Variants in NALF1 observed in about 807,000 individuals in gnomAD.
NALF1 encodes the protein NALCN channel auxiliary factor 1.
A neutral mutation model predicts 48.4 loss-of-function variants in NALF1; 3 were observed. The ratio of observed to expected loss-of-function variants is 0.06; its 90% confidence interval spans 0.03 to 0.16. NALF1 has a LOEUF of 0.16. Ranked by LOEUF, NALF1 falls within the 10% of genes least tolerant of loss-of-function variation. The probability of loss-of-function intolerance (pLI) is 1.00; values close to 1 mark genes in which losing one functional copy is unlikely to be tolerated. For synonymous variants in NALF1, 262 were observed against 245.7 expected (o/e 1.07, Z -0.62); for missense variants, 526 against 571.5 (o/e 0.92, Z 0.81).
intron 1 of NALF1, among the ~76,000 whole-genome samples, chr13:107,695,571 G>A (rs1397596203): frequency 6.6e-6 from 1 of 151,990 alleles, no homozygotes; most frequent in Non-Finnish European, 1.5e-5. Flanking sequence ...CTTGTTCAAA[G>A]CCCAAAATGA....
chr13:107,670,620 G>A (rs1366234510), intron 1 of NALF1, among the ~76,000 whole-genome samples: 1 of 151,984 alleles, frequency 6.6e-6, no homozygotes, highest in Non-Finnish European at 1.5e-5. Flanking sequence ...TATCCCATGG[G>A]CCACGTATAA....
chr13:107,394,627 A>C (rs973900668), intron 1 of NALF1, among the ~76,000 whole-genome samples: 1 of 152,206 alleles, frequency 6.6e-6, no homozygotes, highest in Non-Finnish European at 1.5e-5. Context: ...ATAAAAAGGT[A>C]CCAAGATATA....
chr13:107,567,913 A>T (rs1174220574), intron 1 of NALF1, among the ~76,000 whole-genome samples: 2 of 152,142 alleles, frequency 1.3e-5, no homozygotes, highest in Non-Finnish European at 2.9e-5. Flanking sequence ...TTACTCTGTA[A>T]TTTCCTTGAT....
At chr13:107,347,681 A>T (rs985559125) in intron 1 of NALF1, among the ~76,000 whole-genome samples, 1 of 152,350 alleles carries the variant, frequency 6.6e-6, no homozygotes, top group East Asian at 1.9e-4. Context: ...CGCAAAAGAA[A>T]AAGTCTGTGT....
At chr13:107,444,052 A>G (rs1390751513) in intron 1 of NALF1, among the ~76,000 whole-genome samples, 1 of 152,106 alleles carries the variant, frequency 6.6e-6, no homozygotes, top group African/African-American at 2.4e-5. Context: ...TGATATGTCT[A>G]AGACAAAAAT....
intron 1 of NALF1, among the ~76,000 whole-genome samples, chr13:107,512,451 T>C (rs1052010385): frequency 6.6e-6 from 1 of 152,104 alleles, no homozygotes; most frequent in African/African-American, 2.4e-5. Flanking sequence ...CGTTGTAAAG[T>C]CACACTGAGG....
chr13:107,677,070 A>T (rs1025124066), intron 1 of NALF1, among the ~76,000 whole-genome samples: 33 of 152,194 alleles, frequency 2.2e-4, no homozygotes, highest in African/African-American at 7.5e-4. Context: ...TTTATGAGAC[A>T]GAGTCTCGCT....
intron 1 of NALF1, among the ~76,000 whole-genome samples, chr13:107,356,106 G>A (rs1882959147): frequency 6.6e-6 from 1 of 152,174 alleles, no homozygotes; most frequent in Non-Finnish European, 1.5e-5. Context: ...AGGAGCCGAT[G>A]TCATGCTGCT....
intron 1 of NALF1, among the ~76,000 whole-genome samples, chr13:107,575,699 G>C (rs1184759265): frequency 6.6e-6 from 1 of 152,084 alleles, no homozygotes; most frequent in Non-Finnish European, 1.5e-5. Context: ...ACTCCTGGCT[G>C]TCACTTTCAG....
chr13:107,638,774 G>A (rs1880061709), intron 1 of NALF1, among the ~76,000 whole-genome samples: 1 of 152,116 alleles, frequency 6.6e-6, no homozygotes, highest in South Asian at 2.1e-4. Flanking sequence ...TCTGGGCAGA[G>A]GAACTGGGCT....
intron 1 of NALF1, among the ~76,000 whole-genome samples, chr13:107,379,977 C>T (rs975831060): frequency 1.1e-4 from 16 of 152,176 alleles, no homozygotes; most frequent in Non-Finnish European, 1.5e-4. Flanking sequence ...TCCAGAGGCA[C>T]AGGCTTAACT....
intron 1 of NALF1, among the ~76,000 whole-genome samples, chr13:107,349,907 G>A (rs574335758): frequency 6.6e-6 from 1 of 152,214 alleles, no homozygotes; most frequent in South Asian, 2.1e-4. Flanking sequence ...CCGACTTCAT[G>A]GAGGACAATT....
intron 1 of NALF1, among the ~76,000 whole-genome samples, chr13:107,710,763 G>GTA (rs1488064455): frequency 1.9e-5 from 2 of 107,902 alleles, no homozygotes; most frequent in East Asian, 6.3e-4. Flanking sequence ...ATACATATAT[G>GTA]TATACACACA....
chr13:107,363,249 T>C (rs554474030), intron 1 of NALF1, among the ~76,000 whole-genome samples: 2 of 152,308 alleles, frequency 1.3e-5, no homozygotes, highest in East Asian at 1.9e-4. Context: ...GAACACTGTG[T>C]TGATTCTTGA....
rs193028951 is a variant in NALF1, at chr13:107,785,107, T to C, written c.915+80575A>G. Among the ~76,000 whole-genome samples the C allele has an allele frequency of 3.7e-3, 568 of 151,944 alleles. 2 individuals are homozygous for C. The highest frequency in any genetic ancestry group is 6.8e-3 in the Middle Eastern group (2 of 292). ...ATATATACACACACATATATATGTA[T>C]GTATATGTATATATATATTCATATA... On this transcript the variant is annotated intron_variant, in intron 1 of 2. Transcript: ENST00000375915.
intron 1 of NALF1, among the ~76,000 whole-genome samples, chr13:107,217,299 G>T (rs555656117): frequency 2.0e-5 from 3 of 152,002 alleles, no homozygotes; most frequent in East Asian, 1.9e-4. Context: ...AAATGCCACT[G>T]GGACTTGTTT....
intron 1 of NALF1, among the ~76,000 whole-genome samples, chr13:107,289,127 C>A (rs1881564043): frequency 6.6e-6 from 1 of 152,126 alleles, no homozygotes; most frequent in Non-Finnish European, 1.5e-5. Flanking sequence ...CTTTTTATTT[C>A]CTTTGCTTTA....
chr13:107,531,310 T>C (rs1298666169), intron 1 of NALF1: 2 of 164,746 alleles, frequency 1.2e-5, no homozygotes, highest in African/African-American at 4.8e-5. Context: ...TGGTGATGAG[T>C]GAGCTCTTCT....
intron 1 of NALF1, among the ~76,000 whole-genome samples, chr13:107,408,752 A>G (rs1455615521): frequency 6.6e-6 from 1 of 152,134 alleles, no homozygotes; most frequent in Non-Finnish European, 1.5e-5. Flanking sequence ...TGAGAGAGAA[A>G]GGCATATGGT....
Sources: allele counts gnomAD v4.1 joint callset (sites outside exome capture counted in the v4.1 genomes callset), GRCh38; gene constraint gnomAD v4.1.1; transcripts MANE v1.5; gene names NCBI Gene and HGNC (gene_info 2026-07-23, HGNC 2026-07-21).